BCAR3: variants seen among roughly 807,000 people sequenced by gnomAD.
BCAR3 encodes breast cancer anti-estrogen resistance protein 3.
In BCAR3, 37 loss-of-function variants were observed where a neutral mutation model predicts 80.1. The observed-to-expected ratio is 0.46, with a 90% confidence interval of 0.36 to 0.61. The LOEUF is 0.61. Among genes scored for constraint, BCAR3 ranks in the 20% least tolerant of loss-of-function variants. The pLI, the probability that BCAR3 is intolerant of heterozygous loss-of-function variation, is 0.00. For missense variants in BCAR3, 978 were observed against 1,068.2 expected (o/e 0.92, Z 1.18); for synonymous variants, 389 against 418.9 (o/e 0.93, Z 0.87).
intron 8 of BCAR3, among the ~76,000 whole-genome samples, chr1:93,574,124 T>A (rs1570915285): frequency 6.6e-6 from 1 of 152,250 alleles, no homozygotes; most frequent in East Asian, 1.9e-4. Flanking sequence ...AATGGTTATA[T>A]CCATTCACTC....
chr1:93,714,637 T>C (rs1650135492), intron 2 of BCAR3, among the ~76,000 whole-genome samples: 1 of 152,126 alleles, frequency 6.6e-6, no homozygotes, highest in Admixed American at 6.5e-5. Context: ...TTTACTTGTA[T>C]TTTCAGCCTC....
intron 2 of BCAR3, among the ~76,000 whole-genome samples, chr1:93,726,348 C>T (rs376383212): frequency 1.2e-4 from 19 of 152,290 alleles, no homozygotes; most frequent in African/African-American, 4.6e-4. Context: ...GTCAAGATTA[C>T]AGGCATGAGC....
At chr1:93,563,000 G>A (rs1419499543) in intron 11 of BCAR3, among the ~76,000 whole-genome samples, 2 of 152,126 alleles carry the variant, frequency 1.3e-5, no homozygotes. Flanking sequence ...ACAAACCACT[G>A]TGGGAAGTAG....
At chr1:93,688,500 T>C (rs1417388471) in intron 3 of BCAR3, among the ~76,000 whole-genome samples, 1 of 152,220 alleles carries the variant, frequency 6.6e-6, no homozygotes, top group Admixed American at 6.5e-5. Flanking sequence ...CCAGATGATT[T>C]AATTTCCTCA....
intron 3 of BCAR3, among the ~76,000 whole-genome samples, chr1:93,635,668 G>A (rs1409317871): frequency 7.2e-5 from 11 of 152,206 alleles, no homozygotes; most frequent in Non-Finnish European, 2.9e-5. Flanking sequence ...CACTGCTGGC[G>A]GTGTTTGATC....
chr1:93,603,735 G>A (rs1008070909), intron 3 of BCAR3, among the ~76,000 whole-genome samples: 3 of 152,304 alleles, frequency 2.0e-5, no homozygotes, highest in South Asian at 2.1e-4. Flanking sequence ...CATGCCTGCC[G>A]TGCTACTCTG....
chr1:93,674,797 A>T lies in BCAR3; in HGVS notation c.134T>A (p.Val45Glu). 6.2e-7 allele frequency: 1 copy of T among 1,609,604 alleles called. No homozygotes were observed. Among genetic ancestry groups the T allele is most frequent in the Non-Finnish European group, 8.5e-7 (1 of 1,178,556 alleles). Residue 45 changes from valine to glutamate, a missense_variant, in exon 2 of 12, where the codon GTG (valine) becomes GAG (glutamate). Coordinates refer to ENST00000260502, the MANE Select transcript of BCAR3 (RefSeq NM_003567.4). Reference protein sequence around the residue: ...AEHRPDAYQDVSIHGTLPRKK... With the variant: ...AEHRPDAYQDESIHGTLPRKK... ...CCGTGGAAGGGTGCCATGTATAGAC[A>T]CATCTTGATAGGCATCTGGGCGATG...
chr1:93,569,515 GGGTCTGGGCTAGGCC>G (rs1294452995), intron 9 of BCAR3, among the ~76,000 whole-genome samples: 18 of 152,372 alleles, frequency 1.2e-4, no homozygotes, highest in African/African-American at 4.3e-4. Flanking sequence ...AGAAGCCTCT[GGGTCTGGGCTAGGCC>G]CATCTCCTGG....
intron 2 of BCAR3, among the ~76,000 whole-genome samples, chr1:93,740,879 G>A (rs971056646): frequency 4.6e-5 from 7 of 152,190 alleles, no homozygotes; most frequent in South Asian, 2.1e-4. Context: ...GGAATTAGCC[G>A]AAAGCACTGG....
intron 2 of BCAR3, among the ~76,000 whole-genome samples, chr1:93,748,653 C>G (rs928439642): frequency 6.6e-6 from 1 of 152,226 alleles, no homozygotes; most frequent in Non-Finnish European, 1.5e-5. Context: ...TCCTTACTGT[C>G]TGCACAATTA....
intron 2 of BCAR3, among the ~76,000 whole-genome samples, chr1:93,643,737 T>C (rs920928926): frequency 6.6e-6 from 1 of 152,032 alleles, no homozygotes; most frequent in Non-Finnish European, 1.5e-5. Flanking sequence ...CTATAGGTAA[T>C]ACAATTGTAC....
upstream of BCAR3, among the ~76,000 whole-genome samples, chr1:93,684,291 T>C (rs1395992506): frequency 2.6e-5 from 4 of 152,194 alleles, no homozygotes; most frequent in African/African-American, 9.7e-5. Flanking sequence ...GTACCTACTA[T>C]ACAGTATCTA....
chr1:93,769,260 G>T (rs1652265665), intron 2 of BCAR3, among the ~76,000 whole-genome samples: 1 of 152,112 alleles, frequency 6.6e-6, no homozygotes, highest in Non-Finnish European at 1.5e-5. Context: ...GGGAAAATAC[G>T]CTCGTGGTAT....
At chr1:93,722,713 G>A (rs1283330557) in intron 2 of BCAR3, among the ~76,000 whole-genome samples, 1 of 152,140 alleles carries the variant, frequency 6.6e-6, no homozygotes, top group Non-Finnish European at 1.5e-5. Flanking sequence ...CTTGTGTTCC[G>A]GGCTGGGCTC....
intron 2 of BCAR3, among the ~76,000 whole-genome samples, chr1:93,729,083 C>A (rs1196761710): frequency 1.3e-5 from 2 of 152,156 alleles, no homozygotes; most frequent in African/African-American, 2.4e-5. Flanking sequence ...TTTCTAGGGT[C>A]AAATTCCCCA....
intron 8 of BCAR3, among the ~76,000 whole-genome samples, chr1:93,572,102 G>A (rs553725880): frequency 1.3e-5 from 2 of 152,310 alleles, no homozygotes; most frequent in Admixed American, 6.5e-5. Flanking sequence ...ATTCAACCCT[G>A]GACCTGGGGG....
chr1:93,720,559 G>A (rs138745162), intron 2 of BCAR3, among the ~76,000 whole-genome samples: 43 of 152,268 alleles, frequency 2.8e-4, no homozygotes, highest in African/African-American at 9.6e-4. Flanking sequence ...AGACCACAGC[G>A]CCTGATGGAG....
chr1:93,637,867 A>G (rs1675841781), intron 3 of BCAR3, among the ~76,000 whole-genome samples: 1 of 152,222 alleles, frequency 6.6e-6, no homozygotes, highest in South Asian at 2.1e-4. Flanking sequence ...AGCTAGAAGG[A>G]ACAATAGCCC....
At chr1:93,632,182 G>T (rs1160737311) in intron 3 of BCAR3, among the ~76,000 whole-genome samples, 1 of 152,186 alleles carries the variant, frequency 6.6e-6, no homozygotes, top group Non-Finnish European at 1.5e-5. Context: ...CATAAAATTT[G>T]CCCAAGGACT....
Sources: gnomAD v4.1 joint callset for allele counts (sites outside exome capture counted in the v4.1 genomes callset) on GRCh38, gnomAD v4.1.1 for gene constraint, MANE v1.5 for transcripts, NCBI Gene and HGNC (gene_info 2026-07-23, HGNC 2026-07-21) for gene names.